Variants in CABIN1 observed in about 807,000 individuals in gnomAD.
CABIN1 encodes the protein calcineurin-binding protein cabin-1.
CABIN1 carries 133 observed loss-of-function variants against 227.7 expected under a neutral mutation model. The observed-to-expected ratio is 0.58, with a 90% CI of 0.51 to 0.67. The LOEUF is 0.67. Ranked by LOEUF, CABIN1 falls within the 30% of genes least tolerant of loss-of-function variation. CABIN1 has a pLI of 0.00. For missense variants in CABIN1, 2,408 were observed against 2,852.5 expected, an observed-to-expected ratio of 0.84 and a Z score of 3.55; for synonymous variants, 1,086 against 1,155.1, an observed-to-expected ratio of 0.94 and a Z score of 1.21.
chr22:24,063,071 C>G lies in CABIN1; in HGVS notation c.1809C>G (p.Arg603=). 1.2e-6 allele frequency: 2 copies of G among 1,614,174 alleles called. No individual in the cohort carries two copies. The highest frequency in any genetic ancestry group is 1.7e-6 in the Non-Finnish European group (2 of 1,180,026). The change falls in exon 14 of 37, where the codon CGC becomes CGG. Residue 603 remains arginine, a synonymous_variant. Transcript: ENST00000263119. Reference sequence around the variant, plus strand: ...AGCTGTCATTTGCCTCGTCCCAGCGCGACCTGTTCGAGGATGGTTGGCTGG... The same window carrying G: ...AGCTGTCATTTGCCTCGTCCCAGCGGGACCTGTTCGAGGATGGTTGGCTGG... ...LLQLSFASSQ[R]DLFEDGWLEF... is the part of the protein sequence containing the mutation.
chr22:24,011,541 G>A (rs2034810301), intron 1 of CABIN1, 174 bp downstream of exon 1: 1 of 152,258 alleles, frequency 6.6e-6, no homozygotes, highest in South Asian at 2.1e-4. Flanking sequence ...CGGGCTTCCT[G>A]GCTGCCTCGC....
In CABIN1 at chr22:24,084,694, T is replaced by C. The variant is rs2041031695; in HGVS notation, c.3026T>C (p.Leu1009Pro). ...GTGTCTGCTGACTTGGCCAACCTAC[T>C]GAAGAGAATTGCCACCATTGTGCCT... ...STVSADLANL[L>P]KRIATIVPRT... The change falls in exon 21 of 37, where the codon CTG becomes CCG. Residue 1009 changes from leucine (L) to proline (P), a missense_variant. Coordinates refer to ENST00000263119, the MANE Select transcript of CABIN1 (RefSeq NM_012295.4). 6.2e-7 allele frequency: 1 copy of C among 1,614,216 alleles called. No individual in the cohort carries two copies. Among genetic ancestry groups the C allele is most frequent in the Non-Finnish European group, 8.5e-7 (1 of 1,180,036 alleles).
In CABIN1 at chr22:24,168,480, A is replaced by T; in HGVS notation, c.5716A>T (p.Lys1906Ter). The part of the protein sequence containing the change: ...DEEAALEQAV[K>*]FCQVHLGAAA... Reference sequence around the variant, plus strand: ...GGAGGCTGCGCTGGAGCAGGCTGTGAAGTTCTGCCAGGTCCATCTTGGGGC... The same window carrying T: ...GGAGGCTGCGCTGGAGCAGGCTGTGTAGTTCTGCCAGGTCCATCTTGGGGC... The change falls in exon 33 of 37, where the codon AAG becomes TAG. Residue 1906 changes from lysine to a stop codon, truncating the protein, a stop_gained. Transcript: ENST00000263119. LOFTEE classifies it high-confidence loss of function. The T allele has an allele frequency of 1.3e-6, 2 of 1,570,664 alleles. No homozygotes were observed. The highest frequency in any genetic ancestry group is 1.7e-6 in the Non-Finnish European group (2 of 1,157,608).
intron 1 of CABIN1, chr22:24,011,727 A>G (rs2034828439): frequency 6.6e-6 from 1 of 152,270 alleles, no homozygotes; most frequent in African/African-American, 2.4e-5. Flanking sequence ...CAGCCCTGCG[A>G]GGTGAGTGTT....
In CABIN1 at chr22:24,011,320, G is replaced by A. The variant is rs1330413507; in HGVS notation, c.-122G>A. The stretch of plus-strand genomic sequence containing the variant: ...CGCCTTGTTGTCAGGCGCGCAGCCG[G>A]ACGGCGCGGTGGTCGGGACAGACTG... On this transcript the variant is annotated 5_prime_UTR_variant, in exon 1 of 37. Transcript: ENST00000263119. 1 of 152,338 alleles carries A rather than the reference G, an allele frequency of 6.6e-6. No homozygotes were observed. Among genetic ancestry groups the A allele is most frequent in the East Asian group, 1.9e-4 (1 of 5,188 alleles). The allele number at this position is 152,338 out of a possible 1,614,324, so 9.4% of individuals were successfully genotyped here.
Position 24,166,798 on chromosome 22 carries a change from G to A in CABIN1, c.5167G>A (p.Gly1723Ser), listed in dbSNP as rs1177463880. ...CTCAGGGCCAGGGCCCGAGCCAGGA[G>A]GCAAAGTGGGCCTCCTCAACCACCG... ...DGSGPGPEPG[G>S]KVGLLNHRPV... Residue 1723 changes from glycine to serine, a missense_variant, in exon 32 of 37, where the codon GGC (glycine) becomes AGC (serine). By Grantham distance (56) the Gly-to-Ser change is moderately conservative (BLOSUM62 0). Around this residue, in one of 3 missense-constraint regions of CABIN1, gnomAD observed 714 missense variants for 773.8 expected, o/e 0.92. Transcript: ENST00000263119. 6.2e-7 allele frequency: 1 copy of A among 1,613,046 alleles called. No individual in the cohort carries two copies. The highest frequency in any genetic ancestry group is 8.5e-7 in the Non-Finnish European group (1 of 1,179,990).
At chr22:24,129,209 C>A (rs553820825) in intron 28 of CABIN1, among the ~76,000 whole-genome samples, 36 of 152,320 alleles carry the variant, frequency 2.4e-4, no homozygotes, top group African/African-American at 7.5e-4. Context: ...CCATGGAAGG[C>A]TACAGGTAGG....
chr22:24,013,776 C>A (rs147471741), intron 1 of CABIN1, among the ~76,000 whole-genome samples: 103 of 152,254 alleles, frequency 6.8e-4, no homozygotes, highest in African/African-American at 2.4e-3. Context: ...CATAACACTT[C>A]CTTAGTCTTT....
At position 24,050,992 on chromosome 22, in the gene CABIN1, T is replaced by C; in HGVS notation, c.806+18T>C. 6.2e-7 allele frequency: 1 copy of C among 1,614,018 alleles called. No homozygotes were observed. Among genetic ancestry groups the C allele is most frequent in the Admixed American group, 1.7e-5 (1 of 60,026 alleles). ...TTCTTCACGTAGGTTGTCTAGCGTC[T>C]CTGGGAGTGCTGGGTCGGCCAGTAG... is the stretch of plus-strand genomic sequence containing the variant. On this transcript the variant is annotated intron_variant, in intron 8 of 36. Transcript: ENST00000263119.
chr22:24,047,198 G>A (rs934900365), intron 6 of CABIN1, among the ~76,000 whole-genome samples: 1 of 152,146 alleles, frequency 6.6e-6, no homozygotes, highest in African/African-American at 2.4e-5. Context: ...ACCTGTGAGA[G>A]CCCTGATAGA....
rs1407087366 is a variant in CABIN1, at chr22:24,060,029, G to C, written c.1505G>C (p.Arg502Thr). Residue 502 changes from arginine to threonine, a missense_variant, in exon 12 of 37, where the codon AGG becomes ACG. Around this residue, in one of 3 missense-constraint regions of CABIN1, gnomAD observed 1,045 missense variants for 1,168.4 expected, o/e 0.89. Transcript: ENST00000263119. ...GCCATGGGCCACAAGTTCTTGGTAA[G>C]GTGGCCTCCAGGCTTGGCGGAGGTC... ...LKAMGHKFLV[R>T]WPPGLAEVVL... The C allele has an allele frequency of 6.2e-7, 1 of 1,614,194 alleles. No homozygotes were observed. The highest frequency in any genetic ancestry group is 8.5e-7 in the Non-Finnish European group (1 of 1,180,028).
At chr22:24,069,559 A>G (rs939858150) in intron 16 of CABIN1, among the ~76,000 whole-genome samples, 1 of 152,118 alleles carries the variant, frequency 6.6e-6, no homozygotes, top group African/African-American at 2.4e-5. Flanking sequence ...TGCATTTAGT[A>G]GTCTTTATCA....
chr22:24,155,971 T>C, intron 29 of CABIN1: 1 of 537,646 alleles, frequency 1.9e-6, no homozygotes, highest in South Asian at 2.3e-5. Context: ...CGGCCGCGCC[T>C]GCCCCGCCCC....
At position 24,171,875 on chromosome 22, in the gene CABIN1, A is replaced by G; in HGVS notation, c.5920A>G (p.Thr1974Ala). Reference sequence around the variant, plus strand: ...GCCTCGCCCTGCACTAGCTGCCGCCACAACTATTATCACCTGCCCTCCGTC... The same window carrying G: ...GCCTCGCCCTGCACTAGCTGCCGCCGCAACTATTATCACCTGCCCTCCGTC... The part of the protein sequence containing the change: ...TKPRPALAAA[T>A]TIITCPPSAS... The change falls in exon 34 of 37, where the codon ACA becomes GCA. Residue 1974 changes from threonine (T) to alanine (A), a missense_variant. This residue lies in a region of CABIN1 where 714 missense variants were observed against 773.8 expected (regional missense o/e 0.92). Coordinates refer to ENST00000263119, the MANE Select transcript of CABIN1 (RefSeq NM_012295.4). 1 of 1,614,090 alleles carries G rather than the reference A, an allele frequency of 6.2e-7. No individual in the cohort carries two copies. Among genetic ancestry groups the G allele is most frequent in the Non-Finnish European group, 8.5e-7 (1 of 1,180,028 alleles).
chr22:24,113,645 AC>A lies in CABIN1; in HGVS notation c.4198del (p.Leu1400TrpfsTer121), dbSNP rs2042925693. 1 of 1,613,904 alleles carries A rather than the reference AC, an allele frequency of 6.2e-7. No homozygotes were observed. On this transcript the variant is annotated frameshift_variant, in exon 27 of 37. Coordinates refer to ENST00000263119, the MANE Select transcript of CABIN1 (RefSeq NM_012295.4). LOFTEE classifies it high-confidence loss of function. ...ACTTCTTTAATGAGCCCACCAGCTT[AC>A]TGGAAGGCTCCAGGAAATCCTACAC... ...QDFFNEPTSLLEGSRKSYTEK... is the reference protein window; with the variant it reads ...QDFFNEPTSLXEGSRKSYTEK...
At chr22:24,061,376 G>A (rs1160732793) in intron 12 of CABIN1, among the ~76,000 whole-genome samples, 2 of 152,250 alleles carry the variant, frequency 1.3e-5, no homozygotes, top group African/African-American at 2.4e-5. Context: ...AGAAGAGCTT[G>A]TAGGTCAGTC....
chr22:24,122,869 T>C (rs1007707373), intron 28 of CABIN1, among the ~76,000 whole-genome samples: 10 of 152,202 alleles, frequency 6.6e-5, no homozygotes, highest in Non-Finnish European at 1.3e-4. Flanking sequence ...GATTGTGTGC[T>C]TTCGAGACAC....
At chr22:24,145,160 G>A (rs1454102548) in intron 29 of CABIN1, among the ~76,000 whole-genome samples, 2 of 152,162 alleles carry the variant, frequency 1.3e-5, no homozygotes, top group African/African-American at 4.8e-5. Flanking sequence ...GCCACCACTG[G>A]ACCCTGTTTT....
At chr22:24,107,144 A>C (rs1334629660) in intron 26 of CABIN1, among the ~76,000 whole-genome samples, 1 of 152,008 alleles carries the variant, frequency 6.6e-6, no homozygotes, top group Non-Finnish European at 1.5e-5. Context: ...CCAGTTGGGC[A>C]TCTCATCTCT....
Sources: allele counts gnomAD v4.1 joint callset (sites outside exome capture counted in the v4.1 genomes callset), GRCh38; gene constraint gnomAD v4.1.1; regional missense constraint gnomAD v4.1.1; transcripts MANE v1.5; gene names NCBI Gene and HGNC (gene_info 2026-07-23, HGNC 2026-07-21).